The following PINK1 variants were observed in gnomAD, a reference collection of about 807,000 sequenced individuals.
The protein encoded by PINK1 is PTEN induced kinase 1.
PINK1 carries 58 observed loss-of-function variants against 56.0 expected under a neutral mutation model. The ratio of observed to expected loss-of-function variants is 1.04; its 90% CI spans 0.84 to 1.29. PINK1 has a LOEUF of 1.29. PINK1 is among the 50% of genes most tolerant of loss of function. PINK1 has a pLI of 0.00. For synonymous variants in PINK1, 354 were observed against 339.3 expected, an observed-to-expected ratio of 1.04 and a Z score of -0.48; for missense variants, 745 against 777.9, an observed-to-expected ratio of 0.96 and a Z score of 0.50.
chr1:20,639,233 G>A (rs927375154), intron 2 of PINK1: 1 of 164,038 alleles, frequency 6.1e-6, no homozygotes, highest in South Asian at 1.6e-4. Context: ...TAGCTAACAA[G>A]TAGCCAAATC....
intron 1 of PINK1, among the ~76,000 whole-genome samples, chr1:20,634,282 A>G (rs1356704342): frequency 6.6e-6 from 1 of 152,322 alleles, no homozygotes; most frequent in East Asian, 1.9e-4. Flanking sequence ...TCCCTAATTT[A>G]TGGAGAAGGA....
intron 3 of PINK1, 49 bp from the exon 4 acceptor site, chr1:20,644,441 T>G (rs1283798433): frequency 2.8e-5 from 44 of 1,575,392 alleles, no homozygotes; most frequent in Non-Finnish European, 3.3e-5. Context: ...TCTTTCCAGG[T>G]GTTGTATCTG....
At chr1:20,643,483 T>C (rs979136782) in intron 3 of PINK1, among the ~76,000 whole-genome samples, 2 of 152,232 alleles carry the variant, frequency 1.3e-5, no homozygotes, top group African/African-American at 4.8e-5. Context: ...GTACTAGACT[T>C]GGAATAATGG....
chr1:20,647,937 C>T (rs372715845), intron 5 of PINK1, among the ~76,000 whole-genome samples: 2 of 151,940 alleles, frequency 1.3e-5, no homozygotes, highest in East Asian at 3.9e-4. Flanking sequence ...CTCAGCCTCC[C>T]GAGTAGCTGG....
At chr1:20,636,272 A>C (rs2053055908) in intron 1 of PINK1, among the ~76,000 whole-genome samples, 1 of 150,724 alleles carries the variant, frequency 6.6e-6, no homozygotes, top group Non-Finnish European at 1.5e-5. Context: ...TCCATATAAT[A>C]GTATATAGTA....
intron 1 of PINK1, among the ~76,000 whole-genome samples, chr1:20,635,888 C>T (rs1012761866): frequency 5.3e-5 from 8 of 152,030 alleles, no homozygotes; most frequent in South Asian, 2.1e-4. Flanking sequence ...ATTCTGAAGC[C>T]AGGCATGGTG....
Position 20,637,721 on chromosome 1 carries a change from G to C in PINK1, c.388-121G>C, listed in dbSNP as rs914406308. The C allele has an allele frequency of 1.8e-5, 21 of 1,158,966 alleles. No individual in the cohort carries two copies. In the Admixed American group the frequency reaches 3.0e-4, roughly 16 times the overall value. The allele number at this position is 1,158,966 out of a possible 1,614,324, so 71.8% of individuals were successfully genotyped here. A position where few individuals can be genotyped will look rare whatever the true frequency, so the allele number is the denominator to read the frequency against. On this transcript the variant is annotated intron_variant, in intron 1 of 7. Coordinates refer to ENST00000321556, the MANE Select transcript of PINK1 (RefSeq NM_032409.3). ...GAACCTGGTTGGGTTGTGTTTTTCTGGTTTATTGATCTGGTCGACGTGGAC... is the reference window on the plus strand; with the variant it reads ...GAACCTGGTTGGGTTGTGTTTTTCTCGTTTATTGATCTGGTCGACGTGGAC...
At chr1:20,649,519 C>A (rs968178153) in intron 7 of PINK1, 3 of 401,074 alleles carry the variant, frequency 7.5e-6, no homozygotes, top group Non-Finnish European at 1.4e-5. Flanking sequence ...AATCACAGCA[C>A]TTTGGGAGGC....
rs776485113 is a variant in PINK1, at chr1:20,645,544, C to G, written c.960-16C>G. The G allele has an allele frequency of 1.2e-6, 2 of 1,612,430 alleles. No individual in the cohort carries two copies. Among genetic ancestry groups the G allele is most frequent in the East Asian group, 4.5e-5 (2 of 44,872 alleles). On this transcript the variant is annotated splice_polypyrimidine_tract_variant and intron_variant, in intron 4 of 7. Coordinates refer to ENST00000321556, the MANE Select transcript of PINK1 (RefSeq NM_032409.3). ...TCGATGTGTGGTAGCCAGAGGCCCT[C>G]TCCCCTCTCCGCCAGCTATCCCTGT...
intron 1 of PINK1, among the ~76,000 whole-genome samples, chr1:20,635,620 G>T (rs1009582744): frequency 6.6e-6 from 1 of 151,894 alleles, no homozygotes; most frequent in Non-Finnish European, 1.5e-5. Context: ...AGGCCAAGGC[G>T]GGCGGATCAT....
chr1:20,637,299 C>G (rs1258581404), intron 1 of PINK1, among the ~76,000 whole-genome samples: 1 of 152,204 alleles, frequency 6.6e-6, no homozygotes, highest in African/African-American at 2.4e-5. Context: ...TGTCTGAACT[C>G]TTGTACTCTT....
rs1297954853 is a variant in PINK1 at position 20,651,222 on chromosome 1, A to G, written c.*531A>G. ...TAGCGAAAGTGACGGATGAGCAGTA[A>G]GTAAGTAAGTGTGGGGATTTAAACT... On this transcript the variant is annotated 3_prime_UTR_variant, in exon 8 of 8. Coordinates refer to ENST00000321556, the MANE Select transcript of PINK1 (RefSeq NM_032409.3). The G allele has an allele frequency of 5.6e-6, 1 of 177,132 alleles. No individual in the cohort carries two copies. Among genetic ancestry groups the G allele is most frequent in the Non-Finnish European group, 1.2e-5 (1 of 81,706 alleles). 11.0% of individuals were successfully genotyped at this position (177,132 alleles called of 1,614,324 possible).
At position 20,639,884 on chromosome 1, in the gene PINK1, T is replaced by C. The variant is rs1553146074; in HGVS notation, c.676-8T>C. ...TGTGTAACCCTGGGTTCCTTGTGGG[T>C]GTTCCAGGCAGGTTCCTCCAGCGAA... On this transcript the variant is annotated splice_polypyrimidine_tract_variant and splice_region_variant and intron_variant, in intron 2 of 7. Transcript: ENST00000321556. 3.7e-6 allele frequency: 6 copies of C among 1,609,674 alleles called. No homozygotes were observed. The highest frequency in any genetic ancestry group is 1.7e-5 in the Admixed American group (1 of 59,628).
chr1:20,644,432 C>G (rs772496826), intron 3 of PINK1, 58 bp from the exon 4 acceptor site: 153 of 1,558,982 alleles, frequency 9.8e-5, no homozygotes, highest in Admixed American at 1.7e-4. Context: ...TTAGGTTATT[C>G]TTTCCAGGTG....
At chr1:20,642,499 G>A (rs1348131589) in intron 3 of PINK1, among the ~76,000 whole-genome samples, 18 of 152,182 alleles carry the variant, frequency 1.2e-4, no homozygotes. Flanking sequence ...GCAGATTTGG[G>A]AGGAGTGAGT....
chr1:20,650,592 T>C lies in PINK1; in HGVS notation c.1647T>C (p.Cys549=), dbSNP rs754173479. The change falls in exon 8 of 8, where the codon TGT becomes TGC. Residue 549 remains cysteine (C), a synonymous_variant. Transcript: ENST00000321556. ...CCAACAGGCTCACAGAGAAGTGTTG[T>C]GTGGAAACAAAAATGAAGATGCTCT... ...LLANRLTEKC[C]VETKMKMLFL... is the part of the protein sequence containing the mutation. 6.2e-7 allele frequency: 1 copy of C among 1,614,198 alleles called. No homozygotes were observed.
At position 20,649,099 on chromosome 1, in the gene PINK1, C is replaced by T. The variant is rs2053230886; in HGVS notation, c.1356C>T (p.Pro452=). ...ATGAAATCTTCGGGCTTGTCAATCC[C>T]TTCTACGGCCAGGGCAAGGCCCACC... The part of the protein sequence containing the change: ...IAYEIFGLVN[P]FYGQGKAHLE... The change falls in exon 7 of 8, where the codon CCC becomes CCT. Residue 452 remains proline (P), a synonymous_variant. Transcript: ENST00000321556. 1.9e-6 allele frequency: 3 copies of T among 1,614,258 alleles called. No homozygotes were observed. Among genetic ancestry groups the T allele is most frequent in the African/African-American group, 1.3e-5 (1 of 75,070 alleles).
intron 2 of PINK1, chr1:20,638,949 T>C (rs3738133): frequency 0.27 from 40,397 of 152,262 alleles, 5,562 homozygotes; most frequent in South Asian, 0.37. Context: ...TCTCAACTCT[T>C]GGAAGGACTC....
chr1:20,649,493 G>A (rs558612993), intron 7 of PINK1: 26 of 487,674 alleles, frequency 5.3e-5, no homozygotes, highest in Non-Finnish European at 8.6e-5. Context: ...GGCCAGACAC[G>A]GTGGCTTACA....
Sources: allele counts gnomAD v4.1 joint callset (sites outside exome capture counted in the v4.1 genomes callset), GRCh38; gene constraint gnomAD v4.1.1; transcripts MANE v1.5; gene names NCBI Gene and HGNC (gene_info 2026-07-23, HGNC 2026-07-21).